The following PRELID2 variants were observed in gnomAD, a reference collection of about 807,000 sequenced individuals.
PRELID2 encodes PRELI domain containing 2.
Under a neutral mutation model 28.4 loss-of-function variants are expected in PRELID2, and 25 were observed. The observed-to-expected ratio is 0.88, with a 90% CI of 0.64 to 1.23. PRELID2 has a LOEUF of 1.23. Among genes scored for constraint, PRELID2 ranks in the 50% most tolerant of loss-of-function variants. The pLI is 0.00. For missense variants in PRELID2, 201 were observed against 214.4 expected (o/e 0.94, Z 0.39); for synonymous variants, 76 against 71.6 (o/e 1.06, Z -0.31).
chr5:145,280,817 A>C, the PRELID2 span, among the ~76,000 whole-genome samples: 832 of 141,498 alleles, frequency 5.9e-3, 11 homozygotes, highest in East Asian at 0.057. Flanking sequence ...AAAAAAAAAA[A>C]CAGATTGCTA....
the PRELID2 span, among the ~76,000 whole-genome samples, chr5:145,241,220 C>G: frequency 6.6e-6 from 1 of 151,938 alleles, no homozygotes; most frequent in African/African-American, 2.4e-5. Flanking sequence ...TGAGACTAGA[C>G]TGTAAGATAA....
At chr5:145,472,319 G>A (rs917909560) in intron 2 of PRELID2, among the ~76,000 whole-genome samples, 3 of 152,110 alleles carry the variant, frequency 2.0e-5, no homozygotes, top group African/African-American at 7.2e-5. Context: ...TACAGTCTCT[G>A]GTTAGATGCT....
downstream of PRELID2, among the ~76,000 whole-genome samples, chr5:145,755,983 T>C (rs1206575684): frequency 1.3e-5 from 2 of 151,966 alleles, no homozygotes; most frequent in South Asian, 2.1e-4. Context: ...GTACAGAAAA[T>C]AGAGCTGAGC....
At chr5:145,728,578 T>C in intron 1 of PRELID2, 2 of 870,724 alleles carry the variant, frequency 2.3e-6, no homozygotes, top group Non-Finnish European at 3.9e-6. Flanking sequence ...TTGTTGATCA[T>C]GGCAATTAAC....
intron 1 of PRELID2, among the ~76,000 whole-genome samples, chr5:145,690,665 A>G (rs1755130595): frequency 6.6e-6 from 1 of 152,212 alleles, no homozygotes; most frequent in African/African-American, 2.4e-5. Context: ...CCTTTTCAGT[A>G]GGGTGATTAC....
chr5:145,802,741 AC>A (rs1283920127), intron 4 of PRELID2, among the ~76,000 whole-genome samples: 2 of 152,152 alleles, frequency 1.3e-5, no homozygotes, highest in Non-Finnish European at 2.9e-5. Context: ...TCAAAACAAA[AC>A]CCAATGGAAC....
intron 1 of PRELID2, among the ~76,000 whole-genome samples, chr5:145,571,573 T>A (rs757075651): frequency 1.4e-4 from 22 of 152,248 alleles, no homozygotes; most frequent in Non-Finnish European, 1.0e-4. Flanking sequence ...TATCTCTTCC[T>A]GGGAAAATCT....
the PRELID2 span, among the ~76,000 whole-genome samples, chr5:145,309,872 G>A: frequency 6.6e-6 from 1 of 152,104 alleles, no homozygotes; most frequent in African/African-American, 2.4e-5. Flanking sequence ...ATAAGAAAAC[G>A]GCTTCCCTTG....
intron 1 of PRELID2, among the ~76,000 whole-genome samples, chr5:145,574,956 C>T (rs1248630529): frequency 3.3e-5 from 5 of 152,124 alleles, no homozygotes; most frequent in Non-Finnish European, 5.9e-5. Flanking sequence ...TTTCAATCCA[C>T]AATTGGTTGA....
At chr5:145,379,789 GA>G in the PRELID2 span, among the ~76,000 whole-genome samples, 1 of 152,170 alleles carries the variant, frequency 6.6e-6, no homozygotes, top group South Asian at 2.1e-4. Context: ...CAACCTGCAG[GA>G]GCTCTGCAAG....
At chr5:145,535,212 T>G (rs1752689733) in intron 1 of PRELID2, among the ~76,000 whole-genome samples, 1 of 152,018 alleles carries the variant, frequency 6.6e-6, no homozygotes. Flanking sequence ...TGGCTCTCTA[T>G]GCACTGTTTC....
At chr5:145,317,407 G>C in the PRELID2 span, among the ~76,000 whole-genome samples, 1 of 152,206 alleles carries the variant, frequency 6.6e-6, no homozygotes, top group Non-Finnish European at 1.5e-5. Flanking sequence ...TGTGGCCCCA[G>C]AGAGCAAGCC....
intron 4 of PRELID2, among the ~76,000 whole-genome samples, chr5:145,809,280 A>G (rs1753769719): frequency 6.6e-6 from 1 of 152,162 alleles, no homozygotes; most frequent in Non-Finnish European, 1.5e-5. Context: ...GGGCTCAAGC[A>G]ATCTGCCTGC....
intron 1 of PRELID2, among the ~76,000 whole-genome samples, chr5:145,626,377 G>A (rs1355328576): frequency 6.6e-6 from 1 of 151,854 alleles, no homozygotes; most frequent in Non-Finnish European, 1.5e-5. Context: ...AAGAAGAGCT[G>A]TTTTTCAAAA....
chr5:145,713,354 A>ATATATATATATATATATATATATC, intron 1 of PRELID2, among the ~76,000 whole-genome samples: 1 of 134,878 alleles, frequency 7.4e-6, no homozygotes, highest in African/African-American at 3.2e-5. Context: ...CTGACTTTAT[A>ATATATATATATATATATATATATC]TATATATATA....
downstream of PRELID2, among the ~76,000 whole-genome samples, chr5:145,468,716 CT>C (rs572422934): frequency 3.3e-5 from 5 of 152,260 alleles, no homozygotes; most frequent in South Asian, 1.0e-3. Context: ...TAAATATCTT[CT>C]TTTGAGAAGT....
At chr5:145,435,811 G>A in the PRELID2 span, among the ~76,000 whole-genome samples, 3 of 152,086 alleles carry the variant, frequency 2.0e-5, no homozygotes, top group Non-Finnish European at 4.4e-5. Context: ...TTTGAAATCA[G>A]GTCTTGGTTT....
intron 1 of PRELID2, among the ~76,000 whole-genome samples, chr5:145,623,617 ATAGATAGGTAGG>A (rs1425571178): frequency 6.6e-5 from 10 of 152,084 alleles, no homozygotes; most frequent in Middle Eastern, 3.4e-3. Context: ...AGATAGATAA[ATAGATAGGTAGG>A]TAGATAGGTA....
Position 145,733,625 on chromosome 5 carries a change from T to C in PRELID2, n.70+31306A>G, listed in dbSNP as rs544745281. On this transcript the variant is annotated intron_variant and non_coding_transcript_variant, in intron 1 of 2. Coordinates refer to the PRELID2 transcript ENST00000510259. ...CAGAATCCTTCTAGATTTTCACAAG[T>C]GTCCTAAAATTTTACACTTAGCCAG... Among the ~76,000 whole-genome samples, 22 of 152,312 alleles carry C rather than the reference T, an allele frequency of 1.4e-4. No individual in the cohort carries two copies. The South Asian group carries it at 3.7e-3, about 26-fold the overall frequency.
Sources: gnomAD v4.1 joint callset for allele counts (sites outside exome capture counted in the v4.1 genomes callset) on GRCh38, gnomAD v4.1.1 for gene constraint, MANE v1.5 for transcripts, NCBI Gene and HGNC (gene_info 2026-07-23, HGNC 2026-07-21) for gene names.